NPC1L1: variants seen among roughly 807,000 people sequenced by gnomAD.
NPC1L1 encodes NPC1-like intracellular cholesterol transporter 1.
A neutral mutation model predicts 117.0 loss-of-function variants in NPC1L1; 98 were observed. That is an observed-to-expected ratio of 0.84 (90% CI 0.71 to 0.99). The LOEUF (loss-of-function observed/expected upper bound fraction) is 0.99. Among genes scored for constraint, NPC1L1 ranks in the 50% least tolerant of loss-of-function variants. The pLI is 0.00. For missense variants in NPC1L1, 1,540 were observed against 1,710.0 expected, an observed-to-expected ratio of 0.90 and a Z score of 1.75; for synonymous variants, 729 against 727.6, an observed-to-expected ratio of 1.00 and a Z score of -0.03.
In NPC1L1 at chr7:44,535,888, C is replaced by T. The variant is rs115464778; in HGVS notation, c.1935G>A (p.Leu645=). 3.0e-4 allele frequency: 484 copies of T among 1,613,542 alleles called. 2 individuals are homozygous for T. In the African/African-American group the frequency reaches 6.0e-3, roughly 20 times the overall value. ...AGCTGCCCAGGGCCAGAGAGATGTA[C>T]AGGAATATGACAATGTAGCTGGTGG... ...IFATSYIVIF[L]YISLALGSYS... Residue 645 remains leucine (L), a synonymous_variant, in exon 5 of 19, where the codon CTG becomes CTA. Transcript: ENST00000381160.
chr7:44,515,470 G>A (rs371798579), intron 18 of NPC1L1, among the ~76,000 whole-genome samples: 1 of 152,210 alleles, frequency 6.6e-6, no homozygotes, highest in African/African-American at 2.4e-5. Context: ...GCATGTCTAT[G>A]TGTGCCCGTG....
At position 44,536,725 on chromosome 7, in the gene NPC1L1, A is replaced by C; in HGVS notation, c.1681+117T>G. 1 of 914,184 alleles carries C rather than the reference A, an allele frequency of 1.1e-6. No homozygotes were observed. The highest frequency in any genetic ancestry group is 2.6e-5 in the East Asian group (1 of 38,354). The allele number at this position is 914,184 out of a possible 1,614,324, so 56.6% of individuals were successfully genotyped here. A position where few individuals can be genotyped will look rare whatever the true frequency, so the allele number is the denominator to read the frequency against. ...GACAGGGTTGGCCTACAGCTTCCAG[A>C]AGCCAGGCTACCCCCAGGCCGCGAG... On this transcript the variant is annotated intron_variant, in intron 3 of 18. Coordinates refer to ENST00000381160, the MANE Select transcript of NPC1L1 (RefSeq NM_001101648.2). The surrounding 1 kb of genome is among the most constrained non-coding windows in gnomAD (Gnocchi z 4.7).
In NPC1L1 at chr7:44,540,028, C is replaced by T. The variant is rs747897843; in HGVS notation, c.369G>A (p.Leu123=). The T allele has an allele frequency of 6.2e-7, 1 of 1,614,190 alleles. No homozygotes were observed. Among genetic ancestry groups the T allele is most frequent in the Admixed American group, 1.7e-5 (1 of 60,026 alleles). The stretch of plus-strand genomic sequence containing the variant: ...TGGGGCTGCACGTGTTGTGGCAGTG[C>T]AGGTTCACAAAATTGTCAGAGCAGG... ...CPACSDNFVN[L]HCHNTCSPNQ... The change falls in exon 2 of 19, where the codon CTG becomes CTA. Residue 123 remains leucine, a synonymous_variant. Transcript: ENST00000381160.
intron 10 of NPC1L1, among the ~76,000 whole-genome samples, chr7:44,524,435 G>A (rs1801447142): frequency 6.6e-6 from 1 of 152,124 alleles, no homozygotes; most frequent in Non-Finnish European, 1.5e-5. Flanking sequence ...AGACCAGACA[G>A]CAGACTTACT....
intron 14 of NPC1L1, among the ~76,000 whole-genome samples, chr7:44,518,315 G>T (rs976181138): frequency 2.0e-5 from 3 of 150,890 alleles, no homozygotes; most frequent in Non-Finnish European, 4.4e-5. Flanking sequence ...GATTACAGGT[G>T]CATGCCACCA....
rs1359102112 is a variant in NPC1L1 at position 44,532,107 on chromosome 7, C to A, written c.2520G>T (p.Leu840=). 1.2e-6 allele frequency: 2 copies of A among 1,614,202 alleles called. No homozygotes were observed. The highest frequency in any genetic ancestry group is 2.2e-5 in the South Asian group (2 of 91,080). The change falls in exon 9 of 19, where the codon CTG becomes CTT. Residue 840 remains leucine (L), a synonymous_variant. Coordinates refer to ENST00000381160, the MANE Select transcript of NPC1L1 (RefSeq NM_001101648.2). ...GFFQKAYAPF[L]LHWITRGVVL... Reference sequence around the variant, plus strand: ...CAACACCTCGAGTGATCCAGTGCAGCAGGAAGGGGGCATAAGCCTTTTGGA... The same window carrying A: ...CAACACCTCGAGTGATCCAGTGCAGAAGGAAGGGGGCATAAGCCTTTTGGA...
chr7:44,524,364 A>G (rs1184774943), intron 10 of NPC1L1, among the ~76,000 whole-genome samples: 1 of 152,214 alleles, frequency 6.6e-6, no homozygotes, highest in Non-Finnish European at 1.5e-5. Flanking sequence ...CACACCAAGA[A>G]AAAGAAAAAC....
At chr7:44,541,097 C>T in intron 1 of NPC1L1, 109 bp downstream of exon 1, 4 of 1,220,298 alleles carry the variant, frequency 3.3e-6, no homozygotes, top group Non-Finnish European at 4.7e-6. Context: ...AGCCCGCAGG[C>T]CCTGAGGCTC....
intron 8 of NPC1L1, 70 bp from the exon 9 acceptor site, chr7:44,532,287 C>G: frequency 6.3e-7 from 1 of 1,599,090 alleles, no homozygotes; most frequent in Admixed American, 1.7e-5. Flanking sequence ...CTTCTTGCCC[C>G]CAGGGAGTGT....
Position 44,531,859 on chromosome 7 carries a change from G to T in NPC1L1, c.2548-15C>A, listed in dbSNP as rs1320389153. 6.4e-7 allele frequency: 1 copy of T among 1,567,454 alleles called. No individual in the cohort carries two copies. The highest frequency in any genetic ancestry group is 8.7e-7 in the Non-Finnish European group (1 of 1,155,448). On this transcript the variant is annotated splice_polypyrimidine_tract_variant and intron_variant, in intron 9 of 18. Coordinates refer to ENST00000381160, the MANE Select transcript of NPC1L1 (RefSeq NM_001101648.2). ...AACAGCAGCAGCTGAGAAGGGACCT[G>T]CTGCATGAGACCACCCTGCCCAACA... is the stretch of plus-strand genomic sequence containing the variant.
At position 44,539,279 on chromosome 7, in the gene NPC1L1, G is replaced by A; in HGVS notation, c.1118C>T (p.Thr373Ile). Residue 373 changes from threonine to isoleucine, a missense_variant, in exon 2 of 19, where the codon ACA (threonine) becomes ATA (isoleucine). Thr to Ile is a moderately conservative substitution (Grantham distance 89). Coordinates refer to ENST00000381160, the MANE Select transcript of NPC1L1 (RefSeq NM_001101648.2). The surrounding 1 kb of genome is among the most constrained non-coding windows in gnomAD (Gnocchi z 4.4). The part of the protein sequence containing the change: ...VVALAAGLVF[T>I]ELTTDPVELW... ...CTCCACGGGGTCCGTAGTGAGTTCTGTAAAGACCAGGCCCGCTGCCAAGGC... is the reference window on the plus strand; with the variant it reads ...CTCCACGGGGTCCGTAGTGAGTTCTATAAAGACCAGGCCCGCTGCCAAGGC... 1 of 1,614,088 alleles carries A rather than the reference G, an allele frequency of 6.2e-7. No individual in the cohort carries two copies.
chr7:44,536,474 C>T lies in NPC1L1; in HGVS notation c.1682-46G>A, dbSNP rs753929305. On this transcript the variant is annotated intron_variant, in intron 3 of 18. Transcript: ENST00000381160. The surrounding 1 kb of genome is among the most constrained non-coding windows in gnomAD (Gnocchi z 4.7). Reference sequence around the variant, plus strand: ...ACCCTTCCTGCTGCACCCGTGCCTCCCTCCCCCTCCAGCTGCACCCCTATA... The same window carrying T: ...ACCCTTCCTGCTGCACCCGTGCCTCTCTCCCCCTCCAGCTGCACCCCTATA... 9 of 1,595,696 alleles carry T rather than the reference C, an allele frequency of 5.6e-6. No individual in the cohort carries two copies. The Admixed American group carries it at 1.3e-4, about 24-fold the overall frequency.
chr7:44,533,628 G>A (rs1427820010), intron 7 of NPC1L1, 70 bp from the exon 8 acceptor site: 3 of 1,612,572 alleles, frequency 1.9e-6, no homozygotes, highest in Non-Finnish European at 1.7e-6. Context: ...CATTGACAGG[G>A]TGCAGGGGGA....
Position 44,538,276 on chromosome 7 carries a change from CA to C in NPC1L1, c.1580+540del, listed in dbSNP as rs1160892694. 6.6e-6 allele frequency among the ~76,000 whole-genome samples: 1 copy of C among 152,210 alleles called. No homozygotes were observed. Among genetic ancestry groups the C allele is most frequent in the East Asian group, 1.9e-4 (1 of 5,198 alleles). On this transcript the variant is annotated intron_variant, in intron 2 of 18. Coordinates refer to ENST00000381160, the MANE Select transcript of NPC1L1 (RefSeq NM_001101648.2). The surrounding 1 kb of genome is among the most constrained non-coding windows in gnomAD (Gnocchi z 5.9). ...GGCAGCACACCAGAGTGGACAGAAC[CA>C]AAGACCGAACCCCAATCAATAGAAG... is the stretch of plus-strand genomic sequence containing the variant.
chr7:44,528,235 G>C (rs1801586423), intron 10 of NPC1L1, among the ~76,000 whole-genome samples: 1 of 152,140 alleles, frequency 6.6e-6, no homozygotes, highest in Non-Finnish European at 1.5e-5. Context: ...CTCCCACATA[G>C]CTGGGACTAC....
intron 10 of NPC1L1, among the ~76,000 whole-genome samples, chr7:44,528,914 C>CA (rs1196161745): frequency 6.6e-6 from 1 of 151,042 alleles, no homozygotes; most frequent in East Asian, 1.9e-4. Flanking sequence ...ACAAAAAATA[C>CA]AAAAAAATTA....
intron 10 of NPC1L1, among the ~76,000 whole-genome samples, chr7:44,522,618 C>T (rs1020611657): frequency 2.6e-5 from 4 of 152,190 alleles, no homozygotes; most frequent in African/African-American, 9.7e-5. Flanking sequence ...TGTATGTGCA[C>T]TGTACAGTTA....
In NPC1L1 at chr7:44,516,160, G is replaced by A; in HGVS notation, c.3557C>T (p.Thr1186Ile). 6.2e-7 allele frequency: 1 copy of A among 1,611,774 alleles called. No individual in the cohort carries two copies. Among genetic ancestry groups the A allele is most frequent in the Non-Finnish European group, 8.5e-7 (1 of 1,178,966 alleles). ...GMSVEFVSHI[T>I]RSFAISTKPT... ...CTTGGTGCTGATGGCAAAGGAGCGG[G>A]TAATGTGGGACACAAACTCCACAGA... is the stretch of plus-strand genomic sequence containing the variant. Residue 1186 changes from threonine (T) to isoleucine (I), a missense_variant, in exon 17 of 19, where the codon ACC (threonine) becomes ATC (isoleucine). Physicochemically the swap from Thr to Ile is moderately conservative, Grantham distance 89. Coordinates refer to ENST00000381160, the MANE Select transcript of NPC1L1 (RefSeq NM_001101648.2).
chr7:44,528,668 CAAAA>C (rs1801601477), intron 10 of NPC1L1, among the ~76,000 whole-genome samples: 1 of 152,008 alleles, frequency 6.6e-6, no homozygotes, highest in African/African-American at 2.4e-5. Context: ...AAATGAGAAA[CAAAA>C]AATCTACAAG....
Sources: gnomAD v4.1 joint callset for allele counts (sites outside exome capture counted in the v4.1 genomes callset) on GRCh38, gnomAD v4.1.1 for gene constraint, Gnocchi (gnomAD v3.1) non-coding constraint, MANE v1.5 for transcripts, NCBI Gene and HGNC (gene_info 2026-07-23, HGNC 2026-07-21) for gene names.